USP53: variants seen among roughly 807,000 people sequenced by gnomAD.
USP53 encodes the protein ubiquitin carboxyl-terminal hydrolase 53.
A neutral mutation model predicts 94.9 loss-of-function variants in USP53; 71 were observed. The observed-to-expected ratio is 0.75, with a 90% CI of 0.62 to 0.91. The LOEUF (loss-of-function observed/expected upper bound fraction) is 0.91. Among genes scored for constraint, USP53 ranks in the 40% least tolerant of loss-of-function variants. The pLI is 0.00. For missense variants in USP53, 1,173 were observed against 1,281.0 expected, an observed-to-expected ratio of 0.92 and a Z score of 1.29; for synonymous variants, 375 against 422.7, an observed-to-expected ratio of 0.89 and a Z score of 1.39.
rs757682205 is a variant in USP53, at chr4:119,271,304, G to C, written c.1444G>C (p.Asp482His). The C allele has an allele frequency of 5.2e-6, 8 of 1,549,556 alleles. No homozygotes were observed. Among genetic ancestry groups the C allele is most frequent in the Non-Finnish European group, 6.1e-6 (7 of 1,153,748 alleles). ...KDLGRHRDLV[D>H]EDLSHFQSGS... Reference sequence around the variant, plus strand: ...TAATTTTTTTTTTTAAGATTTGGTTGATGAAGACCTTTCACATTTCCAATC... The same window carrying C: ...TAATTTTTTTTTTTAAGATTTGGTTCATGAAGACCTTTCACATTTCCAATC... The change falls in exon 16 of 19, where the codon GAT becomes CAT. Residue 482 changes from aspartate (D) to histidine (H), a missense_variant. Physicochemically the swap from Asp to His is moderately conservative, Grantham distance 81 (BLOSUM62 -1). Transcript: ENST00000692078.
At chr4:119,252,356 C>CTA (rs1026983236) in intron 7 of USP53, among the ~76,000 whole-genome samples, 2 of 152,172 alleles carry the variant, frequency 1.3e-5, no homozygotes, top group African/African-American at 2.4e-5. Flanking sequence ...GTGAATCCAT[C>CTA]TGGTCCTGGA....
Position 119,269,784 on chromosome 4 carries a change from C to CACAAAGGAAAGATTTAGAGAAGGG in USP53, c.1389_1412dup (p.Glu467_Leu474dup). ...ATTGAACAGAAAAACTTACTTTCTT[C>CACAAAGGAAAGATTTAGAGAAGGG]ACAAAGGAAAGATTTAGAGAAGGGA... On this transcript the variant is annotated inframe_insertion, in exon 15 of 19. Transcript: ENST00000692078. 6.6e-7 allele frequency: 1 copy of CACAAAGGAAAGATTTAGAGAAGGG among 1,523,568 alleles called. No homozygotes were observed. Among genetic ancestry groups the CACAAAGGAAAGATTTAGAGAAGGG allele is most frequent in the Non-Finnish European group, 8.8e-7 (1 of 1,135,954 alleles). 94.4% of individuals were successfully genotyped at this position (1,523,568 alleles called of 1,614,324 possible).
chr4:119,268,218 T>G, intron 13 of USP53, 50 bp from the exon 14 acceptor site: 3 of 1,350,608 alleles, frequency 2.2e-6, no homozygotes, highest in Non-Finnish European at 3.0e-6. Context: ...TTCAAACATC[T>G]CTTCTCATGG....
intron 3 of USP53, among the ~76,000 whole-genome samples, chr4:119,234,968 T>C (rs566117404): frequency 6.6e-6 from 1 of 152,324 alleles, no homozygotes; most frequent in South Asian, 2.1e-4. Context: ...GCTGACTGTA[T>C]AGTGTTTTAT....
chr4:119,261,715 CT>C lies in USP53; in HGVS notation c.829del (p.Tyr277IlefsTer18). ...GTACATTACCAATTTTTTTAAACAG[CT>C]TTTTTATAGAGTTACTGATGAAAAT... The part of the protein sequence containing the change: ...NLATHLYLPG[L>X]FYRVTDENAK... On this transcript the variant is annotated frameshift_variant and splice_region_variant, in exon 12 of 19. Transcript: ENST00000692078. LOFTEE classifies it high-confidence loss of function. 1.3e-6 allele frequency: 2 copies of C among 1,563,332 alleles called. No homozygotes were observed. The highest frequency in any genetic ancestry group is 1.7e-6 in the Non-Finnish European group (2 of 1,145,658).
intron 3 of USP53, chr4:119,218,126 C>G (rs1355024302): frequency 1.3e-5 from 2 of 152,064 alleles, no homozygotes. Context: ...GAAAAGTGGT[C>G]AGATCCTGAA....
At chr4:119,244,650 A>G (rs1747983388) in intron 5 of USP53, among the ~76,000 whole-genome samples, 1 of 152,134 alleles carries the variant, frequency 6.6e-6, no homozygotes. Context: ...GGTTTTTCAG[A>G]ATGATTTTAA....
chr4:119,291,845 C>T (rs1449227554), intron 18 of USP53, among the ~76,000 whole-genome samples: 1 of 151,846 alleles, frequency 6.6e-6, no homozygotes, highest in Non-Finnish European at 1.5e-5. Flanking sequence ...TAGCAAGACC[C>T]TCAAATATAA....
intron 3 of USP53, among the ~76,000 whole-genome samples, chr4:119,222,657 C>T (rs889264755): frequency 3.3e-5 from 5 of 152,118 alleles, no homozygotes. Flanking sequence ...AATAATATTC[C>T]ATTATGTATA....
chr4:119,269,561 G>A, intron 14 of USP53, 130 bp from the exon 15 acceptor site: 5 of 548,608 alleles, frequency 9.1e-6, no homozygotes, highest in Non-Finnish European at 1.4e-5. Flanking sequence ...AAATACCATT[G>A]TATACTATAT....
chr4:119,235,474 T>G (rs1746609579), intron 4 of USP53, 63 bp downstream of exon 4: 1 of 152,156 alleles, frequency 6.6e-6, no homozygotes, highest in African/African-American at 2.4e-5. Flanking sequence ...GACAAGGTCT[T>G]GCTATGTTGC....
intron 17 of USP53, among the ~76,000 whole-genome samples, chr4:119,280,151 T>C (rs1753335282): frequency 6.6e-6 from 1 of 152,124 alleles, no homozygotes; most frequent in Non-Finnish European, 1.5e-5. Context: ...TTTCATGTGC[T>C]GTTTGGATAT....
chr4:119,283,632 T>G (rs576639754), intron 17 of USP53, among the ~76,000 whole-genome samples: 1 of 151,994 alleles, frequency 6.6e-6, no homozygotes, highest in East Asian at 1.9e-4. Context: ...ATTAGTTAGC[T>G]TTTGTGACAC....
intron 6 of USP53, among the ~76,000 whole-genome samples, chr4:119,246,625 G>C (rs1409067110): frequency 6.6e-6 from 1 of 152,204 alleles, no homozygotes; most frequent in Non-Finnish European, 1.5e-5. Flanking sequence ...TTTAGATTGT[G>C]TAGGGCCTTA....
intron 3 of USP53, among the ~76,000 whole-genome samples, chr4:119,222,768 G>T (rs1744721083): frequency 6.6e-6 from 1 of 152,138 alleles, no homozygotes; most frequent in Non-Finnish European, 1.5e-5. Context: ...ATAAACATGG[G>T]AGTATAGACA....
intron 5 of USP53, among the ~76,000 whole-genome samples, chr4:119,244,511 TAGCAG>T (rs1747963041): frequency 2.0e-5 from 3 of 152,188 alleles, no homozygotes; most frequent in Non-Finnish European, 4.4e-5. Context: ...CAGCCACAAA[TAGCAG>T]CTGGTACTCA....
intron 9 of USP53, among the ~76,000 whole-genome samples, chr4:119,259,259 C>T (rs975453138): frequency 6.3e-5 from 8 of 127,990 alleles, no homozygotes; most frequent in Non-Finnish European, 9.4e-5. Context: ...CCAGCCTGGG[C>T]GATAGAGTGA....
intron 4 of USP53, among the ~76,000 whole-genome samples, chr4:119,236,851 C>T (rs1002901208): frequency 2.0e-5 from 3 of 152,118 alleles, no homozygotes; most frequent in Non-Finnish European, 4.4e-5. Flanking sequence ...ATTTTGCCCT[C>T]CTCTTGTGAA....
At chr4:119,245,266 T>G in intron 5 of USP53, 71 bp from the exon 6 acceptor site, 1 of 1,452,864 alleles carries the variant, frequency 6.9e-7, no homozygotes, top group South Asian at 1.2e-5. Flanking sequence ...GTAAAATATC[T>G]AAATCTGTCT....
Sources: gnomAD v4.1 joint callset for allele counts (sites outside exome capture counted in the v4.1 genomes callset) on GRCh38, gnomAD v4.1.1 for gene constraint, MANE v1.5 for transcripts, NCBI Gene and HGNC (gene_info 2026-07-23, HGNC 2026-07-21) for gene names.